Variants in MYO16 observed in about 807,000 individuals in gnomAD.
MYO16 encodes unconventional myosin-XVI.
MYO16 carries 94 observed loss-of-function variants against 205.3 expected under a neutral mutation model. The observed-to-expected ratio is 0.46, with a 90% CI of 0.39 to 0.54. MYO16 has a LOEUF of 0.54. MYO16 is among the 20% of genes least tolerant of loss of function. The probability of loss-of-function intolerance (pLI) is 0.00; values close to 1 mark genes in which losing one functional copy is unlikely to be tolerated. For missense variants in MYO16, 2,315 were observed against 2,387.5 expected, an observed-to-expected ratio of 0.97 and a Z score of 0.63; for synonymous variants, 988 against 954.0, an observed-to-expected ratio of 1.04 and a Z score of -0.66.
chr13:109,139,499 G>A (rs1241037799), intron 31 of MYO16, among the ~76,000 whole-genome samples: 1 of 152,144 alleles, frequency 6.6e-6, no homozygotes, highest in African/African-American at 2.4e-5. Context: ...GCCTCCATGG[G>A]TGGCTGACAT....
chr13:108,758,536 T>C (rs558397376), intron 4 of MYO16, among the ~76,000 whole-genome samples: 25 of 152,294 alleles, frequency 1.6e-4, no homozygotes, highest in African/African-American at 5.8e-4. Context: ...GTCATTCCCA[T>C]GTGCACAGGC....
intron 20 of MYO16, among the ~76,000 whole-genome samples, chr13:108,977,181 T>A (rs965102662): frequency 2.0e-5 from 3 of 152,224 alleles, no homozygotes; most frequent in African/African-American, 7.2e-5. Flanking sequence ...TTTTTGAAAT[T>A]TAACTATATT....
the MYO16 span, among the ~76,000 whole-genome samples, chr13:108,560,690 T>C: frequency 1.3e-5 from 2 of 152,234 alleles, no homozygotes; most frequent in Non-Finnish European, 2.9e-5. Context: ...TTTATATTAA[T>C]GTGCTTAGGG....
chr13:108,969,485 T>C (rs1883924815), intron 20 of MYO16, among the ~76,000 whole-genome samples: 1 of 152,150 alleles, frequency 6.6e-6, no homozygotes, highest in African/African-American at 2.4e-5. Flanking sequence ...GGATCTTCCA[T>C]TCCACTCTCT....
At chr13:108,495,843 C>A in the MYO16 span, among the ~76,000 whole-genome samples, 2 of 151,740 alleles carry the variant, frequency 1.3e-5, no homozygotes, top group African/African-American at 4.8e-5. Context: ...TCTCACCCGC[C>A]GCGCGGGGCT....
chr13:108,852,343 A>G (rs1877920122), intron 10 of MYO16, among the ~76,000 whole-genome samples: 1 of 152,166 alleles, frequency 6.6e-6, no homozygotes, highest in South Asian at 2.1e-4. Context: ...ATTATTGAAT[A>G]GATGTCATCA....
At chr13:108,913,287 T>G (rs533098973) in intron 16 of MYO16, among the ~76,000 whole-genome samples, 3 of 152,306 alleles carry the variant, frequency 2.0e-5, no homozygotes, top group Admixed American at 2.0e-4. Flanking sequence ...ATTTGTACAA[T>G]GACAATTTCA....
intron 34 of MYO16, among the ~76,000 whole-genome samples, chr13:109,180,800 C>T (rs1394142206): frequency 6.6e-6 from 1 of 152,190 alleles, no homozygotes; most frequent in Non-Finnish European, 1.5e-5. Context: ...CCTAATCTTC[C>T]CTCTATTCCT....
At chr13:108,671,299 A>G (rs754230091) in intron 2 of MYO16, among the ~76,000 whole-genome samples, 1 of 152,224 alleles carries the variant, frequency 6.6e-6, no homozygotes, top group Non-Finnish European at 1.5e-5. Flanking sequence ...ATGTGCACAC[A>G]CACAATGTGT....
At chr13:109,158,766 G>C (rs1485057071) in intron 32 of MYO16, among the ~76,000 whole-genome samples, 1 of 152,212 alleles carries the variant, frequency 6.6e-6, no homozygotes, top group Non-Finnish European at 1.5e-5. Flanking sequence ...TGAACATTTA[G>C]AGAGTTAAGT....
chr13:108,602,318 T>C (rs915711156), intron 1 of MYO16, among the ~76,000 whole-genome samples: 1 of 152,140 alleles, frequency 6.6e-6, no homozygotes, highest in African/African-American at 2.4e-5. Flanking sequence ...TTATAAGATG[T>C]AGACCTCTTG....
intron 16 of MYO16, among the ~76,000 whole-genome samples, chr13:108,937,660 C>T (rs1304856578): frequency 2.0e-5 from 3 of 152,160 alleles, no homozygotes; most frequent in Non-Finnish European, 4.4e-5. Flanking sequence ...ATTGATAAAG[C>T]TTTCAGTTGT....
intron 10 of MYO16, among the ~76,000 whole-genome samples, chr13:108,849,355 T>G (rs1199402718): frequency 6.6e-6 from 1 of 152,100 alleles, no homozygotes. Flanking sequence ...CACGCCCAGC[T>G]AATTTTTGTA....
the MYO16 span, among the ~76,000 whole-genome samples, chr13:108,587,886 T>C: frequency 6.8e-6 from 1 of 147,256 alleles, no homozygotes; most frequent in Non-Finnish European, 1.5e-5. Flanking sequence ...TAAGTTACCT[T>C]CTCAGAAAAG....
chr13:108,546,277 A>G, the MYO16 span, among the ~76,000 whole-genome samples: 1 of 152,154 alleles, frequency 6.6e-6, no homozygotes, highest in African/African-American at 2.4e-5. Context: ...TGAGCGCATC[A>G]TTTCCAGAAG....
intron 16 of MYO16, among the ~76,000 whole-genome samples, chr13:108,930,352 C>T (rs1186110423): frequency 2.0e-5 from 3 of 152,058 alleles, no homozygotes; most frequent in Non-Finnish European, 2.9e-5. Context: ...ATATCTATGA[C>T]ACCATGAAAT....
intron 2 of MYO16, among the ~76,000 whole-genome samples, chr13:108,676,602 C>A (rs942323115): frequency 1.3e-5 from 2 of 152,060 alleles, no homozygotes; most frequent in African/African-American, 4.8e-5. Context: ...CAAGGACTTG[C>A]GTCCATTGAA....
chr13:108,801,145 A>G (rs1321413544), intron 6 of MYO16, among the ~76,000 whole-genome samples: 2 of 152,250 alleles, frequency 1.3e-5, no homozygotes, highest in African/African-American at 4.8e-5. Flanking sequence ...ATAGAAATTA[A>G]TTTAAAAAAC....
In MYO16 at chr13:109,206,882, C is replaced by T. The variant is rs1246605506; in HGVS notation, c.*46C>T. On this transcript the variant is annotated 3_prime_UTR_variant, in exon 35 of 35. Transcript: ENST00000457511. ...TACAAAATAGAACTGCCTACTGATT[C>T]CGGGCTGCAACAACAGAAGGCTGCC... is the stretch of plus-strand genomic sequence containing the variant. The T allele has an allele frequency of 6.5e-7, 1 of 1,545,720 alleles. No individual in the cohort carries two copies. The highest frequency in any genetic ancestry group is 8.8e-7 in the Non-Finnish European group (1 of 1,130,102).
Sources: gnomAD v4.1 joint callset for allele counts (sites outside exome capture counted in the v4.1 genomes callset) on GRCh38, gnomAD v4.1.1 for gene constraint, MANE v1.5 for transcripts, NCBI Gene and HGNC (gene_info 2026-07-23, HGNC 2026-07-21) for gene names.